Variants in LMX1A observed in about 807,000 individuals in gnomAD.
LMX1A encodes the protein LIM homeobox transcription factor 1 alpha.
A neutral mutation model predicts 49.1 loss-of-function variants in LMX1A; 15 were observed. The ratio of observed to expected loss-of-function variants is 0.31; its 90% CI spans 0.20 to 0.47. The LOEUF (loss-of-function observed/expected upper bound fraction) is 0.47. Ranked by LOEUF, LMX1A falls within the 20% of genes least tolerant of loss-of-function variation. The pLI is 1.00. For missense variants in LMX1A, 372 were observed against 475.8 expected (o/e 0.78, Z 2.03); for synonymous variants, 167 against 185.7 (o/e 0.90, Z 0.82).
At chr1:165,207,076 A>G (rs558104773) in intron 7 of LMX1A, among the ~76,000 whole-genome samples, 152 of 152,352 alleles carry the variant, frequency 1.0e-3, no homozygotes, top group Non-Finnish European at 1.9e-3. Context: ...ACAGACTAGC[A>G]GCAATGGCAC....
At chr1:165,328,972 T>A (rs796252292) in intron 3 of LMX1A, among the ~76,000 whole-genome samples, 27 of 152,334 alleles carry the variant, frequency 1.8e-4, no homozygotes, top group Middle Eastern at 3.4e-3. Context: ...AGCCCTGAGC[T>A]GAGAATTGGA....
intron 3 of LMX1A, among the ~76,000 whole-genome samples, chr1:165,268,462 C>A (rs567517535): frequency 6.6e-6 from 1 of 152,164 alleles, no homozygotes; most frequent in Non-Finnish European, 1.5e-5. Context: ...ACATGCATAA[C>A]GTTGAGGCCT....
intron 3 of LMX1A, among the ~76,000 whole-genome samples, chr1:165,308,240 C>G (rs1407147767): frequency 6.6e-6 from 1 of 152,196 alleles, no homozygotes; most frequent in Non-Finnish European, 1.5e-5. Context: ...CAAGGAACCA[C>G]AGTTAGCCCT....
At chr1:165,234,689 T>C (rs1652366614) in intron 4 of LMX1A, among the ~76,000 whole-genome samples, 1 of 152,206 alleles carries the variant, frequency 6.6e-6, no homozygotes, top group Admixed American at 6.5e-5. Context: ...ACTAATTCTC[T>C]GAGGTCTTCA....
At chr1:165,226,698 T>G (rs1030128609) in intron 4 of LMX1A, among the ~76,000 whole-genome samples, 1 of 152,250 alleles carries the variant, frequency 6.6e-6, no homozygotes, top group Non-Finnish European at 1.5e-5. Context: ...TCTTTTTGTA[T>G]CAAATGCCTT....
intron 4 of LMX1A, among the ~76,000 whole-genome samples, chr1:165,223,129 A>C (rs1651911477): frequency 6.6e-6 from 1 of 152,180 alleles, no homozygotes; most frequent in Non-Finnish European, 1.5e-5. Context: ...AGAAAAAAAA[A>C]ATGGCCTAAC....
intron 3 of LMX1A, among the ~76,000 whole-genome samples, chr1:165,267,999 T>A (rs1374780985): frequency 3.3e-5 from 5 of 152,130 alleles, no homozygotes; most frequent in African/African-American, 4.8e-5. Context: ...TTACAGAATG[T>A]TTGCTGATAA....
chr1:165,214,885 G>T (rs1351544484), intron 4 of LMX1A, among the ~76,000 whole-genome samples: 2 of 152,152 alleles, frequency 1.3e-5, no homozygotes, highest in Admixed American at 6.6e-5. Flanking sequence ...ACTCTGAAAG[G>T]AAATAAAATC....
intron 3 of LMX1A, among the ~76,000 whole-genome samples, chr1:165,325,909 T>C (rs1276372374): frequency 4.6e-5 from 7 of 152,242 alleles, no homozygotes; most frequent in Non-Finnish European, 1.5e-5. Context: ...CAGCCTTATC[T>C]GCAGCTACCC....
At chr1:165,339,300 T>C (rs978053448) in intron 3 of LMX1A, among the ~76,000 whole-genome samples, 1 of 152,172 alleles carries the variant, frequency 6.6e-6, no homozygotes, top group Non-Finnish European at 1.5e-5. Flanking sequence ...TGAACTCCCT[T>C]GCTTTGAGAG....
intron 4 of LMX1A, among the ~76,000 whole-genome samples, chr1:165,242,834 G>C (rs1290992989): frequency 6.6e-6 from 1 of 150,746 alleles, no homozygotes; most frequent in South Asian, 2.1e-4. Flanking sequence ...GGAGGCTGAG[G>C]CAGGAGAATG....
chr1:165,272,369 C>G, intron 3 of LMX1A, among the ~76,000 whole-genome samples: 1 of 152,234 alleles, frequency 6.6e-6, no homozygotes. Flanking sequence ...TCTGGTTACA[C>G]TGGTGGCTGA....
chr1:165,302,000 A>G (rs73013466), intron 3 of LMX1A, among the ~76,000 whole-genome samples: 23,396 of 152,136 alleles, frequency 0.15, 1,965 homozygotes, highest in Non-Finnish European at 0.18. Context: ...ACAGAGGAAG[A>G]AACTGTAAGG....
At chr1:165,273,064 G>T (rs144858635) in intron 3 of LMX1A, among the ~76,000 whole-genome samples, 1 of 152,176 alleles carries the variant, frequency 6.6e-6, no homozygotes, top group Non-Finnish European at 1.5e-5. Flanking sequence ...AGACATGAAC[G>T]GGGAGGAGCT....
At chr1:165,222,000 T>G (rs201638377) in intron 4 of LMX1A, among the ~76,000 whole-genome samples, 1 of 151,898 alleles carries the variant, frequency 6.6e-6, no homozygotes, top group East Asian at 1.9e-4. Flanking sequence ...CTCTGAATTT[T>G]TCCATCTCTT....
chr1:165,302,768 C>T (rs1410046072), intron 3 of LMX1A, among the ~76,000 whole-genome samples: 1 of 152,184 alleles, frequency 6.6e-6, no homozygotes, highest in Non-Finnish European at 1.5e-5. Context: ...CCTTATGTTT[C>T]CTCCTCCTTA....
chr1:165,222,465 T>C (rs16841280), intron 4 of LMX1A, among the ~76,000 whole-genome samples: 16,901 of 152,264 alleles, frequency 0.11, 959 homozygotes, highest in South Asian at 0.16. Flanking sequence ...AATTCTGCTA[T>C]ATTAATTACT....
chr1:165,210,957 T>A (rs997026450), intron 5 of LMX1A, 181 bp from the exon 6 acceptor site: 11 of 436,918 alleles, frequency 2.5e-5, no homozygotes, highest in African/African-American at 2.2e-4. Context: ...AGAAAGAAAG[T>A]CCTTCACCAG....
chr1:165,280,139 T>A (rs962511158), intron 3 of LMX1A, among the ~76,000 whole-genome samples: 1 of 152,086 alleles, frequency 6.6e-6, no homozygotes, highest in Non-Finnish European at 1.5e-5. Context: ...TAGCTGCATG[T>A]TCGTAAAATG....
Sources: gnomAD v4.1 joint callset for allele counts (sites outside exome capture counted in the v4.1 genomes callset) on GRCh38, gnomAD v4.1.1 for gene constraint, MANE v1.5 for transcripts, NCBI Gene and HGNC (gene_info 2026-07-23, HGNC 2026-07-21) for gene names.